The following KIAA1217 variants were observed in gnomAD, a reference collection of about 807,000 sequenced individuals.
KIAA1217 encodes sickle tail protein homolog.
KIAA1217 carries 88 observed loss-of-function variants against 163.9 expected under a neutral mutation model. That is an observed-to-expected ratio of 0.54 (90% CI 0.45 to 0.64). The LOEUF is 0.64. Among genes scored for constraint, KIAA1217 ranks in the 30% least tolerant of loss-of-function variants. The pLI, the probability that KIAA1217 is intolerant of heterozygous loss-of-function variation, is 0.00. For synonymous variants in KIAA1217, 903 were observed against 923.1 expected, an observed-to-expected ratio of 0.98 and a Z score of 0.39; for missense variants, 2,372 against 2,475.0, an observed-to-expected ratio of 0.96 and a Z score of 0.88.
chr10:24,008,188 A>C (rs1564606641), intron 2 of KIAA1217, among the ~76,000 whole-genome samples: 1 of 152,014 alleles, frequency 6.6e-6, no homozygotes, highest in Non-Finnish European at 1.5e-5. Context: ...ATAGATAGAT[A>C]GATAGATAGA....
At chr10:23,909,330 C>T (rs1242505154) in intron 1 of KIAA1217, among the ~76,000 whole-genome samples, 1 of 151,768 alleles carries the variant, frequency 6.6e-6, no homozygotes, top group East Asian at 1.9e-4. Flanking sequence ...CCAAACACCA[C>T]CTGTTCCCCA....
At chr10:24,307,641 C>A (rs2042155443) in intron 2 of KIAA1217, among the ~76,000 whole-genome samples, 1 of 151,390 alleles carries the variant, frequency 6.6e-6, no homozygotes, top group Admixed American at 6.6e-5. Flanking sequence ...ATTAGCCAGG[C>A]ATAGTGGCAA....
At chr10:24,498,794 CAG>C (rs772655301) in intron 8 of KIAA1217, among the ~76,000 whole-genome samples, 1 of 152,170 alleles carries the variant, frequency 6.6e-6, no homozygotes, top group African/African-American at 2.4e-5. Flanking sequence ...GCCTGAGTGA[CAG>C]AGCGAAACCA....
chr10:24,308,530 G>A lies in KIAA1217; in HGVS notation c.355-72339G>A, dbSNP rs547543259. Among the ~76,000 whole-genome samples, 17 of 152,328 alleles carry A rather than the reference G, an allele frequency of 1.1e-4. No individual in the cohort carries two copies. In the South Asian group the frequency reaches 3.5e-3, roughly 32 times the overall value. ...GCAAGGTCCACTGAATGGAGAAGAAGGCAGGCCATCAGCCTTCTTAGGGTT... is the reference window on the plus strand; with the variant it reads ...GCAAGGTCCACTGAATGGAGAAGAAAGCAGGCCATCAGCCTTCTTAGGGTT... On this transcript the variant is annotated intron_variant, in intron 2 of 20. Coordinates refer to ENST00000376454, the MANE Select transcript of KIAA1217 (RefSeq NM_019590.5).
chr10:24,092,274 TC>T (rs1442107571), intron 2 of KIAA1217, among the ~76,000 whole-genome samples: 4 of 151,612 alleles, frequency 2.6e-5, no homozygotes, highest in Admixed American at 6.6e-5. Flanking sequence ...TATATCCAAC[TC>T]CTCACTTCCC....
At chr10:23,744,482 C>A (rs1180843444) in intron 1 of KIAA1217, among the ~76,000 whole-genome samples, 2 of 152,120 alleles carry the variant, frequency 1.3e-5, no homozygotes, top group Non-Finnish European at 2.9e-5. Context: ...AAAGGTCACA[C>A]TTTTATTGAC....
chr10:24,225,489 C>T (rs2070394518), intron 2 of KIAA1217, among the ~76,000 whole-genome samples: 1 of 152,162 alleles, frequency 6.6e-6, no homozygotes, highest in South Asian at 2.1e-4. Context: ...TAAAGAATAA[C>T]TTTATTACAT....
intron 3 of KIAA1217, among the ~76,000 whole-genome samples, chr10:24,426,460 A>G (rs1183768520): frequency 2.6e-5 from 4 of 151,986 alleles, no homozygotes; most frequent in African/African-American, 7.2e-5. Context: ...CGTCTCTACT[A>G]AAAAAATACA....
intron 2 of KIAA1217, among the ~76,000 whole-genome samples, chr10:24,370,081 C>T (rs949216029): frequency 2.6e-5 from 4 of 152,114 alleles, no homozygotes; most frequent in African/African-American, 7.2e-5. Context: ...CTGGCTAACA[C>T]GGTGAAACCC....
chr10:23,863,558 C>T (rs1050383028), intron 1 of KIAA1217, among the ~76,000 whole-genome samples: 6 of 152,120 alleles, frequency 3.9e-5, no homozygotes, highest in Admixed American at 6.6e-5. Flanking sequence ...TGTGAGGAGG[C>T]GCAAGAAGGT....
chr10:23,838,470 T>C (rs1012508065), intron 1 of KIAA1217, among the ~76,000 whole-genome samples: 2 of 152,120 alleles, frequency 1.3e-5, no homozygotes, highest in African/African-American at 4.8e-5. Context: ...CCTGTTTTTT[T>C]TTTCTTTTTT....
intron 2 of KIAA1217, among the ~76,000 whole-genome samples, chr10:24,082,508 T>C (rs140766073): frequency 0.027 from 4,039 of 152,212 alleles, 162 homozygotes; most frequent in African/African-American, 0.092. Flanking sequence ...TGGTTTTCTG[T>C]TTCTGTGTTA....
intron 1 of KIAA1217, among the ~76,000 whole-genome samples, chr10:23,926,726 A>AAAAT (rs71397924): frequency 0.09 from 13,009 of 143,906 alleles, 660 homozygotes; most frequent in African/African-American, 0.14. Context: ...TTCTGTCTCA[A>AAAAT]AAATAAATAA....
At chr10:24,381,457 G>A (rs375230036) in intron 3 of KIAA1217, among the ~76,000 whole-genome samples, 16 of 152,146 alleles carry the variant, frequency 1.1e-4, no homozygotes, top group African/African-American at 3.1e-4. Context: ...AAGCATTACC[G>A]CCTGAGCTCC....
chr10:24,073,025 C>T (rs1204729180), intron 2 of KIAA1217, among the ~76,000 whole-genome samples: 1 of 150,520 alleles, frequency 6.6e-6, no homozygotes, highest in Non-Finnish European at 1.5e-5. Flanking sequence ...CGCCACTGCA[C>T]TCCAGCCTGG....
chr10:24,485,051 G>T (rs1287261227), intron 6 of KIAA1217, among the ~76,000 whole-genome samples: 3 of 151,598 alleles, frequency 2.0e-5, no homozygotes, highest in Non-Finnish European at 4.4e-5. Context: ...CCAGGCCTGG[G>T]TGGGACTGAG....
chr10:24,476,936 G>T, intron 6 of KIAA1217, among the ~76,000 whole-genome samples: 1 of 151,920 alleles, frequency 6.6e-6, no homozygotes. Context: ...ACTCACTATT[G>T]CTGAAAGACC....
intron 2 of KIAA1217, among the ~76,000 whole-genome samples, chr10:24,145,170 T>C (rs936799394): frequency 2.0e-5 from 3 of 152,232 alleles, no homozygotes; most frequent in African/African-American, 7.2e-5. Context: ...ACCTCCTCTG[T>C]GGTTCATACT....
chr10:24,371,749 T>C (rs2051683018), intron 2 of KIAA1217, among the ~76,000 whole-genome samples: 1 of 108,620 alleles, frequency 9.2e-6, no homozygotes, highest in Non-Finnish European at 1.9e-5. Flanking sequence ...AGACAGGAAT[T>C]GGGCATGAAT....
Sources: gnomAD v4.1 joint callset for allele counts (sites outside exome capture counted in the v4.1 genomes callset) on GRCh38, gnomAD v4.1.1 for gene constraint, MANE v1.5 for transcripts, NCBI Gene and HGNC (gene_info 2026-07-23, HGNC 2026-07-21) for gene names.